Variants in POC1B observed in about 807,000 individuals in gnomAD.
POC1B encodes the protein POC1 centriolar protein homolog B.
A neutral mutation model predicts 60.6 loss-of-function variants in POC1B; 44 were observed. The observed-to-expected ratio is 0.73, with a 90% CI of 0.57 to 0.93. POC1B has a LOEUF of 0.93. Ranked by LOEUF, POC1B falls within the 40% of genes least tolerant of loss-of-function variation. The pLI, the probability that POC1B is intolerant of heterozygous loss-of-function variation, is 0.00. For missense variants in POC1B, 555 were observed against 572.3 expected (o/e 0.97, Z 0.31); for synonymous variants, 180 against 198.9 (o/e 0.90, Z 0.80).
Position 89,467,049 on chromosome 12 carries a change from T to C in POC1B, c.880-127A>G, listed in dbSNP as rs1882713003. 7 of 620,574 alleles carry C rather than the reference T, an allele frequency of 1.1e-5. No homozygotes were observed. In the East Asian group the frequency reaches 1.9e-4, roughly 17 times the overall value. 38.4% of individuals were successfully genotyped at this position (620,574 alleles called of 1,614,324 possible). A position where few individuals can be genotyped will look rare whatever the true frequency, so the allele number is the denominator to read the frequency against. On this transcript the variant is annotated intron_variant, in intron 8 of 11. Coordinates refer to ENST00000313546, the MANE Select transcript of POC1B (RefSeq NM_172240.3). ...GAAGGGTAGATATATATTTCAACTA[T>C]GTTACTATTTCTCAATATCTTTTTT...
rs1883058856 is a variant in POC1B at position 89,475,298 on chromosome 12, T to A, written c.453-3023A>T. On this transcript the variant is annotated intron_variant, in intron 4 of 11. Transcript: ENST00000313546. Reference sequence around the variant, plus strand: ...TCCCAGAGCAAAATAAATGAAGGGATGTGAACCTCGAATGAGTTAAAGTAC... The same window carrying A: ...TCCCAGAGCAAAATAAATGAAGGGAAGTGAACCTCGAATGAGTTAAAGTAC... 3.3e-5 allele frequency among the ~76,000 whole-genome samples: 5 copies of A among 152,058 alleles called. No homozygotes were observed. The South Asian group carries it at 1.0e-3, about 32-fold the overall frequency.
intron 7 of POC1B, among the ~76,000 whole-genome samples, chr12:89,469,919 G>A (rs914474842): frequency 6.6e-6 from 1 of 151,008 alleles, no homozygotes; most frequent in Non-Finnish European, 1.5e-5. Context: ...CCGGGCTGGA[G>A]TGCAGTGGTG....
chr12:89,491,868 G>A, intron 4 of POC1B, 68 bp downstream of exon 4: 1 of 1,315,628 alleles, frequency 7.6e-7, no homozygotes, highest in Non-Finnish European at 1.0e-6. Context: ...CCTTTTTCTG[G>A]AAGTTGGGGG....
intron 11 of POC1B, among the ~76,000 whole-genome samples, chr12:89,421,793 C>T (rs990422161): frequency 2.0e-5 from 3 of 152,164 alleles, no homozygotes; most frequent in Non-Finnish European, 4.4e-5. Flanking sequence ...GCTAATATTA[C>T]CTCGTGGAGT....
intron 2 of POC1B, chr12:89,522,418 G>A (rs1422295849): frequency 2.7e-6 from 1 of 373,036 alleles, no homozygotes; most frequent in Non-Finnish European, 4.7e-6. Context: ...GCACATTCAT[G>A]AGTTTTGTTA....
chr12:89,445,135 T>C (rs1881719453), intron 10 of POC1B, among the ~76,000 whole-genome samples: 1 of 152,222 alleles, frequency 6.6e-6, no homozygotes, highest in African/African-American at 2.4e-5. Context: ...GAACATTCCA[T>C]GCTCACGGAT....
At chr12:89,524,041 A>T (rs937046471) in intron 2 of POC1B, 1 of 1,613,594 alleles carries the variant, frequency 6.2e-7, no homozygotes, top group African/African-American at 1.3e-5. Flanking sequence ...CACCAAGATG[A>T]TCTCTTTCAA....
chr12:89,524,616 C>A, intron 2 of POC1B: 1 of 1,534,052 alleles, frequency 6.5e-7, no homozygotes. Flanking sequence ...GGCGGCGGAA[C>A]CCACAGCTCG....
At chr12:89,451,882 A>G (rs972822753) in intron 10 of POC1B, among the ~76,000 whole-genome samples, 2 of 152,130 alleles carry the variant, frequency 1.3e-5, no homozygotes, top group Non-Finnish European at 2.9e-5. Flanking sequence ...TAAGTTCACT[A>G]TTTTCCGTGA....
chr12:89,466,784 C>A lies in POC1B; in HGVS notation c.1018G>T (p.Val340Phe). The change falls in exon 9 of 12, where the codon GTT (valine) becomes TTT (phenylalanine). Residue 340 changes from valine (V) to phenylalanine (F), a missense_variant. Physicochemically the swap from Val to Phe is conservative, Grantham distance 50. Transcript: ENST00000313546. Reference protein sequence around the residue: ...PRTPHPHEEKVETVEINPKLE... With the variant: ...PRTPHPHEEKFETVEINPKLE... ...AAAATACTCACTTCTACAGTCTCAACTTTTTCCTCATGGGGATGTGGTGTT... is the reference window on the plus strand; with the variant it reads ...AAAATACTCACTTCTACAGTCTCAAATTTTTCCTCATGGGGATGTGGTGTT... 6.2e-7 allele frequency: 1 copy of A among 1,612,014 alleles called. No homozygotes were observed. The highest frequency in any genetic ancestry group is 8.5e-7 in the Non-Finnish European group (1 of 1,178,836).
intron 10 of POC1B, chr12:89,426,530 A>T (rs1047499730): frequency 1.3e-5 from 2 of 152,204 alleles, no homozygotes; most frequent in African/African-American, 4.8e-5. Flanking sequence ...GAAAAAAGTT[A>T]ACAAAAGAAA....
intron 3 of POC1B, 63 bp downstream of exon 3, chr12:89,497,107 AG>A: frequency 6.6e-7 from 1 of 1,518,024 alleles, no homozygotes; most frequent in Non-Finnish European, 9.0e-7. Flanking sequence ...AGCAGCAGCC[AG>A]GGTCAGCTTT....
intron 1 of POC1B, 83 bp from the exon 2 acceptor site, chr12:89,525,287 G>T: frequency 6.6e-7 from 1 of 1,514,030 alleles, no homozygotes; most frequent in East Asian, 2.4e-5. Flanking sequence ...CACTTCCCCG[G>T]AGTCCGGCTT....
At chr12:89,468,207 A>C (rs1012820248) in intron 7 of POC1B, among the ~76,000 whole-genome samples, 1 of 152,212 alleles carries the variant, frequency 6.6e-6, no homozygotes, top group Non-Finnish European at 1.5e-5. Flanking sequence ...TCAGTATCAC[A>C]ATTCTGAGAA....
intron 2 of POC1B, among the ~76,000 whole-genome samples, chr12:89,498,317 A>G (rs1316694948): frequency 6.6e-6 from 1 of 152,238 alleles, no homozygotes; most frequent in Non-Finnish European, 1.5e-5. Context: ...TTGACAAAGA[A>G]TGAACAAATA....
chr12:89,426,823 C>CCA (rs1188108221), intron 10 of POC1B: 1 of 93,326 alleles, frequency 1.1e-5, no homozygotes, highest in Non-Finnish European at 2.2e-5. Context: ...GGCCATGTTT[C>CCA]AAAAAAAAAA....
the POC1B span, among the ~76,000 whole-genome samples, chr12:89,403,611 C>A: frequency 6.6e-6 from 1 of 152,114 alleles, no homozygotes; most frequent in Non-Finnish European, 1.5e-5. Context: ...ATTACTTCTA[C>A]ATGTCCCATT....
At chr12:89,490,336 G>GTTGT (rs542092410) in intron 4 of POC1B, among the ~76,000 whole-genome samples, 1 of 152,032 alleles carries the variant, frequency 6.6e-6, no homozygotes, top group South Asian at 2.1e-4. Flanking sequence ...TGTTGTTGTT[G>GTTGT]TTGTTTGTTT....
At chr12:89,433,690 T>A (rs1007816351) in intron 10 of POC1B, among the ~76,000 whole-genome samples, 1 of 152,178 alleles carries the variant, frequency 6.6e-6, no homozygotes, top group Admixed American at 6.5e-5. Context: ...TAGAAGAGTG[T>A]TGGCCAAAGA....
Sources: gnomAD v4.1 joint callset for allele counts (sites outside exome capture counted in the v4.1 genomes callset) on GRCh38, gnomAD v4.1.1 for gene constraint, MANE v1.5 for transcripts, NCBI Gene and HGNC (gene_info 2026-07-23, HGNC 2026-07-21) for gene names.